The following PSD3 variants were observed in gnomAD, a reference collection of about 807,000 sequenced individuals.
PSD3 encodes the protein PH and SEC7 domain-containing protein 3.
In PSD3, 49 loss-of-function variants were observed where a neutral mutation model predicts 105.5. The observed-to-expected ratio is 0.46, with a 90% CI of 0.37 to 0.59. PSD3 has a LOEUF of 0.59. Ranked by LOEUF, PSD3 falls within the 20% of genes least tolerant of loss-of-function variation. The probability of loss-of-function intolerance (pLI) is 0.00; values close to 1 mark genes in which losing one functional copy is unlikely to be tolerated. For synonymous variants in PSD3, 557 were observed against 457.8 expected, an observed-to-expected ratio of 1.22 and a Z score of -2.77; for missense variants, 1,561 against 1,263.8, an observed-to-expected ratio of 1.24 and a Z score of -3.57.
At chr8:18,766,792 C>G (rs973547635) in intron 8 of PSD3, among the ~76,000 whole-genome samples, 34 of 152,234 alleles carry the variant, frequency 2.2e-4, no homozygotes, top group African/African-American at 8.0e-4. Flanking sequence ...TCTAGTTCCC[C>G]AAGTCCCAAA....
intron 1 of PSD3, among the ~76,000 whole-genome samples, chr8:19,005,174 CCTAA>C (rs926616480): frequency 3.3e-5 from 5 of 151,972 alleles, no homozygotes; most frequent in Admixed American, 1.3e-4. Context: ...TGGCATTATT[CCTAA>C]CTGTCAAAAG....
intron 11 of PSD3, among the ~76,000 whole-genome samples, chr8:18,613,816 C>T (rs1317492805): frequency 1.3e-5 from 2 of 152,274 alleles, no homozygotes; most frequent in East Asian, 3.9e-4. Flanking sequence ...TTGAAGTGCA[C>T]CTAACCACCA....
chr8:19,008,095 C>T (rs557427212), intron 1 of PSD3, among the ~76,000 whole-genome samples: 6 of 152,270 alleles, frequency 3.9e-5, no homozygotes, highest in African/African-American at 7.2e-5. Context: ...CCACCCGCCT[C>T]GGGCTCCCAA....
chr8:18,854,521 G>C (rs576614763), intron 4 of PSD3: 1 of 152,322 alleles, frequency 6.6e-6, no homozygotes, highest in South Asian at 2.1e-4. Context: ...TGCCGTTTAA[G>C]GGAAAGGAGA....
At chr8:18,749,073 A>G (rs996273868) in intron 9 of PSD3, among the ~76,000 whole-genome samples, 4 of 152,254 alleles carry the variant, frequency 2.6e-5, no homozygotes, top group African/African-American at 9.6e-5. Flanking sequence ...CTTTTAAAAT[A>G]ATGATTCTGC....
intron 1 of PSD3, among the ~76,000 whole-genome samples, chr8:18,938,704 G>C (rs1384169135): frequency 6.6e-6 from 1 of 151,942 alleles, no homozygotes; most frequent in Non-Finnish European, 1.5e-5. Context: ...CTCTGTGCCA[G>C]GCACTGTTCT....
In PSD3 at chr8:18,611,664, C is replaced by CT. The variant is rs1440031903; in HGVS notation, c.2411-11231dup. Among the ~76,000 whole-genome samples, 11 of 152,136 alleles carry CT rather than the reference C, an allele frequency of 7.2e-5. 1 individual carries two copies. In the South Asian group the frequency reaches 2.1e-3, roughly 29 times the overall value. On this transcript the variant is annotated intron_variant, in intron 11 of 15. Coordinates refer to ENST00000327040, the MANE Select transcript of PSD3 (RefSeq NM_015310.4). ...TTTCATGCTAAAACACAAAGAAAGA[C>CT]TTTTTTTCTCACTTCTGTGAAAATA...
intron 12 of PSD3, among the ~76,000 whole-genome samples, chr8:18,579,799 G>C (rs549029835): frequency 7.2e-5 from 11 of 152,138 alleles, no homozygotes; most frequent in African/African-American, 2.4e-4. Context: ...AATTTAAAAA[G>C]CATATTAAAG....
chr8:18,599,273 A>G (rs1469264542), intron 12 of PSD3, among the ~76,000 whole-genome samples: 1 of 152,180 alleles, frequency 6.6e-6, no homozygotes, highest in Non-Finnish European at 1.5e-5. Flanking sequence ...TATGGGGGGA[A>G]GCTGGAACCC....
At chr8:18,772,620 T>C (rs1050260551) in intron 8 of PSD3, among the ~76,000 whole-genome samples, 1 of 152,170 alleles carries the variant, frequency 6.6e-6, no homozygotes, top group Non-Finnish European at 1.5e-5. Flanking sequence ...GTGTTTCTCC[T>C]GACTCGGCCT....
intron 9 of PSD3, among the ~76,000 whole-genome samples, chr8:18,670,531 C>A (rs149547809): frequency 2.6e-5 from 4 of 151,882 alleles, no homozygotes; most frequent in Non-Finnish European, 5.9e-5. Context: ...CAGGCAGTGG[C>A]GGATTAGGGA....
At chr8:18,642,682 G>C (rs1324168727) in intron 10 of PSD3, among the ~76,000 whole-genome samples, 1 of 152,110 alleles carries the variant, frequency 6.6e-6, no homozygotes, top group Non-Finnish European at 1.5e-5. Flanking sequence ...TGAAGATAAT[G>C]TGAAATGAAG....
intron 15 of PSD3, among the ~76,000 whole-genome samples, chr8:18,552,945 T>G (rs548857103): frequency 3.9e-5 from 6 of 152,156 alleles, no homozygotes; most frequent in African/African-American, 1.4e-4. Context: ...TTGCTCTCTG[T>G]AAATTTTTTT....
intron 7 of PSD3, among the ~76,000 whole-genome samples, chr8:18,799,752 T>C (rs1215631608): frequency 1.3e-5 from 2 of 152,184 alleles, no homozygotes; most frequent in African/African-American, 4.8e-5. Flanking sequence ...CAAAGACACA[T>C]TACTGTTAGG....
chr8:18,694,754 T>C (rs1585641771), intron 9 of PSD3, among the ~76,000 whole-genome samples: 1 of 151,850 alleles, frequency 6.6e-6, no homozygotes, highest in Non-Finnish European at 1.5e-5. Context: ...GACAGGCGGA[T>C]CACTTGAGCA....
At chr8:18,546,672 GAAGTAC>G (rs1800469132) in intron 15 of PSD3, among the ~76,000 whole-genome samples, 2 of 152,090 alleles carry the variant, frequency 1.3e-5, no homozygotes, top group African/African-American at 4.8e-5. Flanking sequence ...CAGGAAATTT[GAAGTAC>G]ATAATACATT....
At chr8:18,590,486 T>C (rs1341302038) in intron 12 of PSD3, among the ~76,000 whole-genome samples, 2 of 152,174 alleles carry the variant, frequency 1.3e-5, no homozygotes, top group African/African-American at 4.8e-5. Flanking sequence ...CATATGTCAA[T>C]AATACACTGA....
intron 8 of PSD3, among the ~76,000 whole-genome samples, chr8:18,785,700 T>G (rs960585239): frequency 1.3e-5 from 2 of 152,206 alleles, no homozygotes; most frequent in Admixed American, 6.5e-5. Context: ...CTCACTAAAC[T>G]TAATCATTTC....
intron 11 of PSD3, among the ~76,000 whole-genome samples, chr8:18,602,056 G>A (rs1804477190): frequency 6.6e-6 from 1 of 152,094 alleles, no homozygotes; most frequent in Non-Finnish European, 1.5e-5. Context: ...TAGAACTGAA[G>A]GCAAAGCATT....
Sources: allele counts gnomAD v4.1 joint callset (sites outside exome capture counted in the v4.1 genomes callset), GRCh38; gene constraint gnomAD v4.1.1; transcripts MANE v1.5; gene names NCBI Gene and HGNC (gene_info 2026-07-23, HGNC 2026-07-21).